LRRIQ1: variants seen among roughly 807,000 people sequenced by gnomAD.
LRRIQ1 encodes the protein leucine-rich repeat- and IQ domain-containing protein 1.
LRRIQ1 carries 210 observed loss-of-function variants against 211.9 expected under a neutral mutation model. The observed-to-expected ratio is 0.99, with a 90% CI of 0.89 to 1.11. The LOEUF is 1.11. Among genes scored for constraint, LRRIQ1 ranks in the 50% most tolerant of loss-of-function variants. The pLI, the probability that LRRIQ1 is intolerant of heterozygous loss-of-function variation, is 0.00. For synonymous variants in LRRIQ1, 699 were observed against 650.1 expected (o/e 1.08, Z -1.14); for missense variants, 2,136 against 1,939.5 (o/e 1.10, Z -1.90).
At chr12:85,182,446 A>C (rs1592933896) in intron 24 of LRRIQ1, among the ~76,000 whole-genome samples, 2 of 152,312 alleles carry the variant, frequency 1.3e-5, no homozygotes, top group South Asian at 4.1e-4. Context: ...AAGCCCTACA[A>C]ACTGGGCTTA....
chr12:85,060,722 C>A (rs1273407116), intron 8 of LRRIQ1, among the ~76,000 whole-genome samples: 1 of 151,614 alleles, frequency 6.6e-6, no homozygotes, highest in Non-Finnish European at 1.5e-5. Flanking sequence ...TGAGATTGGA[C>A]CACTGAATAA....
chr12:85,097,609 T>C (rs1168720415), intron 11 of LRRIQ1, among the ~76,000 whole-genome samples: 1 of 152,190 alleles, frequency 6.6e-6, no homozygotes, highest in Non-Finnish European at 1.5e-5. Flanking sequence ...TATGGCTACA[T>C]AATTTTAACG....
intron 3 of LRRIQ1, 72 bp downstream of exon 3, chr12:85,040,673 A>C: frequency 2.5e-6 from 2 of 815,342 alleles, no homozygotes; most frequent in Non-Finnish European, 4.0e-6. Context: ...TTAGTAAACT[A>C]AAGTGCTTAA....
At chr12:85,217,622 A>ATATATGTATATGTGTATATATATGTG (rs1565910017) in intron 24 of LRRIQ1, among the ~76,000 whole-genome samples, 3 of 136,020 alleles carry the variant, frequency 2.2e-5, no homozygotes, top group Non-Finnish European at 4.6e-5. Flanking sequence ...ATATATATGT[A>ATATATGTATATGTGTATATATATGTG]TATATGTATA....
intron 11 of LRRIQ1, among the ~76,000 whole-genome samples, chr12:85,082,224 T>C (rs983202273): frequency 3.3e-5 from 5 of 152,144 alleles, no homozygotes; most frequent in African/African-American, 1.2e-4. Context: ...AATCTATTAT[T>C]ATTATTGTTA....
chr12:85,065,428 CCTA>C lies in LRRIQ1; in HGVS notation c.2544+17_2544+19del. On this transcript the variant is annotated intron_variant, in intron 9 of 26. Coordinates refer to ENST00000393217, the MANE Select transcript of LRRIQ1 (RefSeq NM_001079910.2). Reference sequence around the variant, plus strand: ...ATTGATGCACAGGTATGCTCTCTGCCCTACTGTTATTTATTTTATAATAAAATA... The same window carrying C: ...ATTGATGCACAGGTATGCTCTCTGCCCTGTTATTTATTTTATAATAAAATA... 1 of 1,543,284 alleles carries C rather than the reference CCTA, an allele frequency of 6.5e-7. No homozygotes were observed. The highest frequency in any genetic ancestry group is 1.2e-5 in the South Asian group (1 of 80,140).
intron 1 of LRRIQ1, chr12:85,262,866 G>A: frequency 1.2e-6 from 1 of 855,808 alleles, no homozygotes. Flanking sequence ...AAAATATAAT[G>A]TATTTGGTTC....
rs1369268722 is a variant in LRRIQ1, at chr12:85,121,862, T to C, written c.3543T>C (p.Tyr1181=). The C allele has an allele frequency of 6.2e-7, 1 of 1,604,562 alleles. No individual in the cohort carries two copies. The highest frequency in any genetic ancestry group is 2.2e-5 in the East Asian group (1 of 44,564). ...IREFNLLIEN[Y]ITGKGDVFTL... is the part of the protein sequence containing the mutation. ...AATTCAACTTGCTAATTGAAAATTA[T>C]ATAACTGGAAAAGGGTAAGATTGTG... Residue 1181 remains tyrosine, a synonymous_variant, in exon 16 of 27, where the codon TAT becomes TAC. Transcript: ENST00000393217.
intron 8 of LRRIQ1, among the ~76,000 whole-genome samples, chr12:85,064,743 A>G (rs1565801290): frequency 6.6e-6 from 1 of 151,780 alleles, no homozygotes; most frequent in Non-Finnish European, 1.5e-5. Flanking sequence ...TTTTCTGCAT[A>G]TGGATATCCA....
At chr12:85,191,129 C>G (rs1892490903) in intron 24 of LRRIQ1, among the ~76,000 whole-genome samples, 1 of 152,016 alleles carries the variant, frequency 6.6e-6, no homozygotes, top group African/African-American at 2.4e-5. Flanking sequence ...TGGCTTTAAA[C>G]ATCTCTTAGT....
intron 10 of LRRIQ1, among the ~76,000 whole-genome samples, chr12:85,069,783 G>T (rs1384627538): frequency 6.6e-6 from 1 of 152,022 alleles, no homozygotes; most frequent in Non-Finnish European, 1.5e-5. Context: ...TTTTGATGGG[G>T]TTGTTTGTTT....
At chr12:85,176,498 A>C (rs1472841577) in intron 24 of LRRIQ1, among the ~76,000 whole-genome samples, 4 of 149,846 alleles carry the variant, frequency 2.7e-5, no homozygotes, top group African/African-American at 7.4e-5. Context: ...AAGAACAAAA[A>C]ACCAAACACC....
intron 11 of LRRIQ1, among the ~76,000 whole-genome samples, chr12:85,078,931 A>C (rs1221902832): frequency 6.6e-6 from 1 of 152,162 alleles, no homozygotes; most frequent in Non-Finnish European, 1.5e-5. Flanking sequence ...CTGTTTTCTA[A>C]ACAAAGAGTT....
At chr12:85,126,284 T>C (rs1164508997) in intron 17 of LRRIQ1, among the ~76,000 whole-genome samples, 2 of 152,168 alleles carry the variant, frequency 1.3e-5, no homozygotes, top group Admixed American at 1.3e-4. Flanking sequence ...TCAATGACTT[T>C]ACAAGAAATT....
chr12:85,210,405 C>G (rs536208134), intron 24 of LRRIQ1, among the ~76,000 whole-genome samples: 1 of 152,198 alleles, frequency 6.6e-6, no homozygotes, highest in Admixed American at 6.5e-5. Flanking sequence ...TGATAAAACA[C>G]GATGTTTTTG....
chr12:85,093,000 G>T (rs986719503), intron 11 of LRRIQ1, among the ~76,000 whole-genome samples: 5 of 152,200 alleles, frequency 3.3e-5, no homozygotes, highest in African/African-American at 1.2e-4. Context: ...AGGATACTGA[G>T]AAGTAATTGT....
At chr12:85,145,024 C>A in intron 19 of LRRIQ1, among the ~76,000 whole-genome samples, 1 of 150,878 alleles carries the variant, frequency 6.6e-6, no homozygotes, top group East Asian at 2.0e-4. Context: ...CCTTTTTTCA[C>A]TGATTTAGTT....
chr12:85,059,135 T>C (rs1251906445), intron 8 of LRRIQ1, among the ~76,000 whole-genome samples: 1 of 151,974 alleles, frequency 6.6e-6, no homozygotes, highest in African/African-American at 2.4e-5. Context: ...TTTCTGATCT[T>C]TTAGCTTCAG....
chr12:85,247,576 T>C (rs1410224588), downstream of LRRIQ1, among the ~76,000 whole-genome samples: 1 of 151,600 alleles, frequency 6.6e-6, no homozygotes, highest in Non-Finnish European at 1.5e-5. Flanking sequence ...AAGTTTACTG[T>C]CTGTAAAATG....
Sources: allele counts gnomAD v4.1 joint callset (sites outside exome capture counted in the v4.1 genomes callset), GRCh38; gene constraint gnomAD v4.1.1; transcripts MANE v1.5; gene names NCBI Gene and HGNC (gene_info 2026-07-23, HGNC 2026-07-21).